NAA35: variants seen among roughly 807,000 people sequenced by gnomAD.
NAA35 encodes N-alpha-acetyltransferase 35, NatC auxiliary subunit.
In NAA35, 18 loss-of-function variants were observed where a neutral mutation model predicts 101.7. The ratio of observed to expected loss-of-function variants is 0.18; its 90% confidence interval spans 0.12 to 0.26. The LOEUF is 0.26. Among genes scored for constraint, NAA35 ranks in the 10% least tolerant of loss-of-function variants. NAA35 has a pLI of 1.00. For missense variants in NAA35, 601 were observed against 886.8 expected, an observed-to-expected ratio of 0.68 and a Z score of 4.09; for synonymous variants, 267 against 273.1, an observed-to-expected ratio of 0.98 and a Z score of 0.22.
At chr9:85,969,952 A>G (rs374418767) in intron 6 of NAA35, among the ~76,000 whole-genome samples, 5 of 152,118 alleles carry the variant, frequency 3.3e-5, no homozygotes, top group South Asian at 4.1e-4. Context: ...CCTTTCACTA[A>G]AACTACTGTG....
rs1831824956 is a variant in NAA35, at chr9:86,009,925, T to C, written c.1284T>C (p.Cys428=). ...GTATCGACTCCTTTGTTACTCACTG[T>C]GTTCGGGTAAGAGCTACAATTTGGA... ...KDCIDSFVTH[C]VRPFCSLIQI... is the part of the protein sequence containing the mutation. Residue 428 remains cysteine, a synonymous_variant, in exon 15 of 23, where the codon TGT becomes TGC. Transcript: ENST00000361671. The C allele has an allele frequency of 2.5e-6, 4 of 1,612,512 alleles. No individual in the cohort carries two copies. The African/African-American group carries it at 5.3e-5, about 22-fold the overall frequency.
At chr9:85,954,531 T>C (rs568295277) in intron 2 of NAA35, among the ~76,000 whole-genome samples, 1 of 152,362 alleles carries the variant, frequency 6.6e-6, no homozygotes, top group South Asian at 2.1e-4. Context: ...AGTACCCATC[T>C]TAATGAGTGT....
chr9:85,967,352 A>G (rs577399719), intron 6 of NAA35, among the ~76,000 whole-genome samples: 13 of 152,288 alleles, frequency 8.5e-5, no homozygotes, highest in African/African-American at 3.1e-4. Context: ...ACTGTGTAAA[A>G]ATAAAACTGG....
chr9:85,985,276 A>G (rs890175425), intron 11 of NAA35, among the ~76,000 whole-genome samples: 1 of 152,248 alleles, frequency 6.6e-6, no homozygotes, highest in African/African-American at 2.4e-5. Flanking sequence ...TCCAAGGGAA[A>G]TGAAAACATC....
Position 86,022,070 on chromosome 9 carries a change from T to TG in NAA35, c.*110_*111insG. On this transcript the variant is annotated 3_prime_UTR_variant, in exon 23 of 23. Transcript: ENST00000361671. ...CGGGAAGTGAGATGGATTTCTTGGG[T>TG]AACAACTCATTATAAGGAATACTTT... 2 of 773,162 alleles carry TG rather than the reference T, an allele frequency of 2.6e-6. No homozygotes were observed. The highest frequency in any genetic ancestry group is 4.3e-6 in the Non-Finnish European group (2 of 470,096). 47.9% of individuals were successfully genotyped at this position (773,162 alleles called of 1,614,324 possible). A position where few individuals can be genotyped will look rare whatever the true frequency, so the allele number is the denominator to read the frequency against.
At chr9:86,019,589 A>T (rs1832421547) in intron 21 of NAA35, among the ~76,000 whole-genome samples, 1 of 152,238 alleles carries the variant, frequency 6.6e-6, no homozygotes, top group South Asian at 2.1e-4. Context: ...AAACTCTGAG[A>T]TATCAAAATA....
chr9:85,953,105 CAGG>C (rs1019059112), intron 2 of NAA35, among the ~76,000 whole-genome samples: 8 of 152,010 alleles, frequency 5.3e-5, no homozygotes, highest in Non-Finnish European at 7.4e-5. Flanking sequence ...CCCAGTTACC[CAGG>C]AGGCTGAGGT....
rs184424295 is a variant in NAA35, at chr9:85,960,144, A to G, written c.348+277A>G. ...ACCCTTTTCGTTCTCAAGTTACTCAAGTGATAAGTCTGTAATTGGAAGGTT... is the reference window on the plus strand; with the variant it reads ...ACCCTTTTCGTTCTCAAGTTACTCAGGTGATAAGTCTGTAATTGGAAGGTT... On this transcript the variant is annotated intron_variant, in intron 5 of 22. Coordinates refer to ENST00000361671, the MANE Select transcript of NAA35 (RefSeq NM_024635.4). Among the ~76,000 whole-genome samples the G allele has an allele frequency of 1.6e-3, 247 of 152,318 alleles. 1 individual carries two copies. The highest frequency in any genetic ancestry group is 3.8e-3 in the African/African-American group (157 of 41,572).
intron 5 of NAA35, 121 bp downstream of exon 5, chr9:85,959,988 G>T (rs1453721302): frequency 6.4e-6 from 4 of 629,864 alleles, no homozygotes; most frequent in Admixed American, 3.0e-5. Context: ...CCCTAGTAAA[G>T]ATGTGCATAA....
rs549814840 is a variant in NAA35 at position 86,004,455 on chromosome 9, G to A, written c.1116+811G>A. Among the ~76,000 whole-genome samples the A allele has an allele frequency of 8.6e-5, 13 of 151,912 alleles. No homozygotes were observed. In the South Asian group the frequency reaches 2.5e-3, roughly 29 times the overall value. Reference sequence around the variant, plus strand: ...GATCCCACCAACTGCATTCCAGCTTGGGCAACAGAGTGAGACCCTGTCAAA... The same window carrying A: ...GATCCCACCAACTGCATTCCAGCTTAGGCAACAGAGTGAGACCCTGTCAAA... On this transcript the variant is annotated intron_variant, in intron 13 of 22. Coordinates refer to ENST00000361671, the MANE Select transcript of NAA35 (RefSeq NM_024635.4).
chr9:85,966,301 TAAAG>T (rs911190113), intron 6 of NAA35, among the ~76,000 whole-genome samples: 4 of 152,126 alleles, frequency 2.6e-5, no homozygotes, highest in African/African-American at 9.7e-5. Context: ...GGAGAAATCT[TAAAG>T]GAAGAGACTA....
At chr9:86,017,798 G>A (rs1832302925) in intron 19 of NAA35, among the ~76,000 whole-genome samples, 2 of 152,104 alleles carry the variant, frequency 1.3e-5, no homozygotes, top group Non-Finnish European at 1.5e-5. Context: ...AATTCTATAT[G>A]GTCCTTGTTT....
intron 15 of NAA35, among the ~76,000 whole-genome samples, chr9:86,011,207 C>G (rs967686492): frequency 6.6e-6 from 1 of 150,968 alleles, no homozygotes; most frequent in Non-Finnish European, 1.5e-5. Flanking sequence ...CCATTGCACT[C>G]CAGCCTGGGC....
At chr9:86,016,443 T>C in intron 17 of NAA35, 96 bp from the exon 18 acceptor site, 1 of 1,068,378 alleles carries the variant, frequency 9.4e-7, no homozygotes, top group African/African-American at 1.7e-5. Flanking sequence ...TTTAAAGACC[T>C]AAAGCATTAT....
At chr9:85,982,621 A>C (rs1830480073) in intron 11 of NAA35, among the ~76,000 whole-genome samples, 1 of 152,236 alleles carries the variant, frequency 6.6e-6, no homozygotes, top group African/African-American at 2.4e-5. Context: ...ATGTTGCCTG[A>C]AATTAATAGA....
chr9:86,016,968 C>G (rs779797769), intron 18 of NAA35, among the ~76,000 whole-genome samples: 19 of 152,334 alleles, frequency 1.2e-4, no homozygotes, highest in Middle Eastern at 3.4e-3. Flanking sequence ...GGCCAGTGAC[C>G]TATTGACAGA....
chr9:86,006,013 A>G (rs1587649604), intron 13 of NAA35, among the ~76,000 whole-genome samples: 1 of 152,026 alleles, frequency 6.6e-6, no homozygotes, highest in African/African-American at 2.4e-5. Flanking sequence ...TGTACTAAAA[A>G]TACAAAAATT....
chr9:85,980,214 A>G (rs1031847885), intron 11 of NAA35, among the ~76,000 whole-genome samples: 21 of 152,172 alleles, frequency 1.4e-4, no homozygotes, highest in African/African-American at 4.6e-4. Context: ...GAACCTCCAC[A>G]TGTTCAGATA....
intron 6 of NAA35, among the ~76,000 whole-genome samples, chr9:85,965,390 G>A (rs1255605261): frequency 3.3e-5 from 5 of 152,200 alleles, no homozygotes; most frequent in Non-Finnish European, 7.3e-5. Flanking sequence ...CACTTTGGAA[G>A]GATGAAGTGG....
Sources: gnomAD v4.1 joint callset for allele counts (sites outside exome capture counted in the v4.1 genomes callset) on GRCh38, gnomAD v4.1.1 for gene constraint, MANE v1.5 for transcripts, NCBI Gene and HGNC (gene_info 2026-07-23, HGNC 2026-07-21) for gene names.